Variants in DAB1 observed in about 807,000 individuals in gnomAD.
DAB1 encodes disabled homolog 1.
DAB1 carries 15 observed loss-of-function variants against 64.6 expected under a neutral mutation model. That is an observed-to-expected ratio of 0.23 (90% CI 0.16 to 0.36). The LOEUF (loss-of-function observed/expected upper bound fraction) is 0.36. Ranked by LOEUF, DAB1 falls within the 10% of genes least tolerant of loss-of-function variation. The pLI, the probability that DAB1 is intolerant of heterozygous loss-of-function variation, is 1.00. For synonymous variants in DAB1, 235 were observed against 251.9 expected, an observed-to-expected ratio of 0.93 and a Z score of 0.64; for missense variants, 596 against 706.7, an observed-to-expected ratio of 0.84 and a Z score of 1.78.
chr1:58,030,080 C>T (rs1029578031), intron 5 of DAB1, among the ~76,000 whole-genome samples: 194 of 151,918 alleles, frequency 1.3e-3, no homozygotes, highest in African/African-American at 4.4e-3. Context: ...GTGGCAGGTG[C>T]CTGTAATCCC....
At chr1:57,482,698 C>G (rs1644039005) in intron 7 of DAB1, among the ~76,000 whole-genome samples, 1 of 152,140 alleles carries the variant, frequency 6.6e-6, no homozygotes. Flanking sequence ...TTGCACAATG[C>G]TGTGGTTTTA....
chr1:58,312,602 A>T (rs1023497152), intron 4 of DAB1, among the ~76,000 whole-genome samples: 1 of 152,242 alleles, frequency 6.6e-6, no homozygotes, highest in Admixed American at 6.5e-5. Context: ...AGAATATGCT[A>T]AAACTTATAA....
chr1:58,134,727 C>T (rs1299947484), intron 5 of DAB1, among the ~76,000 whole-genome samples: 1 of 152,118 alleles, frequency 6.6e-6, no homozygotes, highest in Non-Finnish European at 1.5e-5. Context: ...CGAGAAAGCA[C>T]TAGCAGGATG....
At chr1:57,161,443 C>G (rs906569992) in intron 2 of DAB1, among the ~76,000 whole-genome samples, 11 of 152,112 alleles carry the variant, frequency 7.2e-5, no homozygotes, top group Non-Finnish European at 4.4e-5. Flanking sequence ...GATCACCCAT[C>G]CAAAGGCAGC....
intron 6 of DAB1, among the ~76,000 whole-genome samples, chr1:57,688,358 G>T (rs938817436): frequency 6.6e-6 from 1 of 151,990 alleles, no homozygotes; most frequent in Non-Finnish European, 1.5e-5. Flanking sequence ...ATCAAAACCG[G>T]ATTGAGATAT....
At chr1:57,728,793 A>G (rs1647289424) in intron 6 of DAB1, among the ~76,000 whole-genome samples, 1 of 152,202 alleles carries the variant, frequency 6.6e-6, no homozygotes, top group African/African-American at 2.4e-5. Context: ...GAAAACTAGA[A>G]CACCTTTCTC....
chr1:57,693,322 G>C (rs1338562873), intron 6 of DAB1, among the ~76,000 whole-genome samples: 4 of 152,124 alleles, frequency 2.6e-5, no homozygotes, highest in Non-Finnish European at 5.9e-5. Context: ...GGGTCAAGTG[G>C]GGATTTAGAG....
intron 2 of DAB1, among the ~76,000 whole-genome samples, chr1:58,521,744 A>G (rs1050504211): frequency 7.9e-5 from 12 of 152,208 alleles, no homozygotes; most frequent in Non-Finnish European, 1.8e-4. Context: ...TTCTATATCT[A>G]TTAAAGAGAC....
chr1:57,821,379 T>C (rs1352106289), downstream of DAB1, among the ~76,000 whole-genome samples: 3 of 152,150 alleles, frequency 2.0e-5, no homozygotes, highest in Non-Finnish European at 4.4e-5. Context: ...TAATGACTGA[T>C]GTTTATCAAA....
intron 4 of DAB1, among the ~76,000 whole-genome samples, chr1:58,299,732 G>A (rs1291591127): frequency 6.6e-6 from 1 of 152,186 alleles, no homozygotes; most frequent in Non-Finnish European, 1.5e-5. Flanking sequence ...CAGAGCAAGA[G>A]ACGAATGAGC....
At chr1:58,022,219 C>T (rs971306100) in intron 5 of DAB1, among the ~76,000 whole-genome samples, 1 of 152,170 alleles carries the variant, frequency 6.6e-6, no homozygotes, top group African/African-American at 2.4e-5. Context: ...GAGTGCCAAC[C>T]CATTGCACAA....
chr1:57,922,668 AC>A lies in DAB1; in HGVS notation n.388-38507del, dbSNP rs1057324472. Among the ~76,000 whole-genome samples, 5 of 151,320 alleles carry A rather than the reference AC, an allele frequency of 3.3e-5. No homozygotes were observed. In the East Asian group the frequency reaches 7.8e-4, roughly 23 times the overall value. ...AAAAGATTAGAAAAGTTTTAGTGAAACCCCGTCTCTACTAAAAATACAAAAA... is the reference window on the plus strand; with the variant it reads ...AAAAGATTAGAAAAGTTTTAGTGAAACCCGTCTCTACTAAAAATACAAAAA... On this transcript the variant is annotated intron_variant and non_coding_transcript_variant, in intron 5 of 20. Transcript: ENST00000485760.
intron 6 of DAB1, among the ~76,000 whole-genome samples, chr1:57,674,339 CAGAG>C (rs1462069468): frequency 6.6e-6 from 1 of 152,142 alleles, no homozygotes; most frequent in Non-Finnish European, 1.5e-5. Flanking sequence ...AATTGACACT[CAGAG>C]AGGCCTCGTA....
rs186673959 is a variant in DAB1, at chr1:57,062,683, A to T, written c.723+201T>A. Among the ~76,000 whole-genome samples, 1,071 of 152,222 alleles carry T rather than the reference A, an allele frequency of 7.0e-3. 6 individuals are homozygous for T. Among genetic ancestry groups the T allele is most frequent in the Non-Finnish European group, 0.012 (818 of 68,018 alleles). On this transcript the variant is annotated intron_variant, in intron 9 of 14. Transcript: ENST00000371236. ...GGACCAGACCTTCATCCAGATTGGC[A>T]ACTTTTCCTCAGTGCTACCATTTCT...
chr1:57,588,692 A>G (rs1645408267), intron 7 of DAB1, among the ~76,000 whole-genome samples: 1 of 152,238 alleles, frequency 6.6e-6, no homozygotes, highest in African/African-American at 2.4e-5. Flanking sequence ...ATTGTACTGG[A>G]GGAAAAACAA....
chr1:57,976,295 T>A (rs781590379), intron 5 of DAB1, among the ~76,000 whole-genome samples: 10 of 152,120 alleles, frequency 6.6e-5, no homozygotes, highest in Non-Finnish European at 1.2e-4. Flanking sequence ...CCAAACCATC[T>A]CAGTAATAAC....
chr1:57,289,687 A>C (rs1025852162), intron 2 of DAB1, among the ~76,000 whole-genome samples: 1 of 152,204 alleles, frequency 6.6e-6, no homozygotes, highest in African/African-American at 2.4e-5. Context: ...CTGGGCAGGC[A>C]CAACGATGTC....
rs139985387 is a variant in DAB1 at position 57,297,609 on chromosome 1, A to G, written c.-136-6443T>C. On this transcript the variant is annotated intron_variant, in intron 1 of 14. Coordinates refer to ENST00000371236, the MANE Select transcript of DAB1 (RefSeq NM_001365792.1). Reference sequence around the variant, plus strand: ...AGATAAAATATCAGCAATGAGTGATACTAAGTAAAGGGCATTGGGTGTTTT... The same window carrying G: ...AGATAAAATATCAGCAATGAGTGATGCTAAGTAAAGGGCATTGGGTGTTTT... 7.5e-4 allele frequency among the ~76,000 whole-genome samples: 114 copies of G among 152,302 alleles called. 2 individuals carry two copies. The highest frequency in any genetic ancestry group is 2.6e-3 in the African/African-American group (108 of 41,568).
At chr1:57,349,507 A>AG (rs1678401838) in intron 1 of DAB1, among the ~76,000 whole-genome samples, 1 of 152,182 alleles carries the variant, frequency 6.6e-6, no homozygotes, top group Non-Finnish European at 1.5e-5. Context: ...CAAATAAGTA[A>AG]GGGAAAAAAA....
Sources: gnomAD v4.1 joint callset for allele counts (sites outside exome capture counted in the v4.1 genomes callset) on GRCh38, gnomAD v4.1.1 for gene constraint, MANE v1.5 for transcripts, NCBI Gene and HGNC (gene_info 2026-07-23, HGNC 2026-07-21) for gene names.